Variants in SLC39A11 observed in about 807,000 individuals in gnomAD.
SLC39A11 encodes solute carrier family 39 member 11, also known as zinc transporter ZIP11.
SLC39A11 carries 33 observed loss-of-function variants against 36.1 expected under a neutral mutation model. That is an observed-to-expected ratio of 0.91 (90% CI 0.69 to 1.22). The LOEUF (loss-of-function observed/expected upper bound fraction) is 1.22. Ranked by LOEUF, SLC39A11 falls within the 50% of genes most tolerant of loss-of-function variation. The pLI is 0.00. For missense variants in SLC39A11, 432 were observed against 430.3 expected (o/e 1.00, Z -0.03); for synonymous variants, 166 against 170.3 (o/e 0.97, Z 0.20).
chr17:73,018,263 A>T (rs747902483), intron 4 of SLC39A11, among the ~76,000 whole-genome samples: 2 of 152,144 alleles, frequency 1.3e-5, no homozygotes, highest in Non-Finnish European at 2.9e-5. Context: ...ATTACTAGAC[A>T]TTCAGCCAGG....
At chr17:73,080,460 C>A (rs1346635617) in intron 3 of SLC39A11, among the ~76,000 whole-genome samples, 1 of 152,164 alleles carries the variant, frequency 6.6e-6, no homozygotes, top group Non-Finnish European at 1.5e-5. Flanking sequence ...GGATCCTCAT[C>A]TCTCACCTTA....
At chr17:72,924,346 G>C (rs2083904634) in intron 5 of SLC39A11, among the ~76,000 whole-genome samples, 1 of 152,028 alleles carries the variant, frequency 6.6e-6, no homozygotes, top group African/African-American at 2.4e-5. Context: ...TGGTCTCACA[G>C]AAACCTGATA....
intron 7 of SLC39A11, among the ~76,000 whole-genome samples, chr17:72,713,476 T>A (rs2073201602): frequency 6.6e-6 from 1 of 152,182 alleles, no homozygotes; most frequent in Admixed American, 6.5e-5. Flanking sequence ...TTACCCTTAA[T>A]ACAGATTAGT....
At chr17:72,665,439 G>A (rs1349849770) in intron 7 of SLC39A11, among the ~76,000 whole-genome samples, 3 of 124,992 alleles carry the variant, frequency 2.4e-5, no homozygotes, top group Non-Finnish European at 4.8e-5. Context: ...TGCCCAGGCT[G>A]GAGTGCAGTG....
At chr17:72,777,970 T>C (rs9894443) in intron 6 of SLC39A11, among the ~76,000 whole-genome samples, 69,538 of 151,918 alleles carry the variant, frequency 0.46, 19,681 homozygotes, top group Non-Finnish European at 0.64. Flanking sequence ...AGTGGTGCGA[T>C]GTCGGCTCAC....
chr17:72,683,684 G>A (rs918964320), intron 7 of SLC39A11, among the ~76,000 whole-genome samples: 1 of 151,958 alleles, frequency 6.6e-6, no homozygotes. Context: ...CAATACTTGT[G>A]CCATAAAAGC....
At chr17:72,820,699 C>A (rs2077742501) in intron 6 of SLC39A11, among the ~76,000 whole-genome samples, 2 of 151,190 alleles carry the variant, frequency 1.3e-5, no homozygotes, top group Non-Finnish European at 3.0e-5. Flanking sequence ...GCTATGCAGG[C>A]ATGGGGTGAG....
chr17:72,824,623 G>C lies in SLC39A11; in HGVS notation c.601+25011C>G, dbSNP rs1024981608. Among the ~76,000 whole-genome samples, 31 of 151,266 alleles carry C rather than the reference G, an allele frequency of 2.0e-4. 1 individual carries two copies. The highest frequency in any genetic ancestry group is 6.5e-4 in the African/African-American group (27 of 41,354). ...CTTCCTAGAGACTTTTTAAATTTTT[G>C]TGACCAAAATGCTGATAGTGATACG... On this transcript the variant is annotated intron_variant, in intron 6 of 9. Transcript: ENST00000255559.
At chr17:73,076,674 T>C (rs2060329407) in intron 3 of SLC39A11, among the ~76,000 whole-genome samples, 1 of 152,210 alleles carries the variant, frequency 6.6e-6, no homozygotes. Flanking sequence ...CCACACAGGA[T>C]GGCACATTTC....
chr17:72,750,230 A>G (rs915617360), intron 6 of SLC39A11, among the ~76,000 whole-genome samples: 3 of 152,044 alleles, frequency 2.0e-5, no homozygotes, highest in Admixed American at 1.3e-4. Context: ...TTCCTCCCCC[A>G]AGTTCACATG....
At chr17:72,876,583 A>T (rs2080908048) in intron 5 of SLC39A11, among the ~76,000 whole-genome samples, 2 of 152,208 alleles carry the variant, frequency 1.3e-5, no homozygotes, top group Admixed American at 6.5e-5. Context: ...TAGTGCCTAG[A>T]TAGTATCATG....
intron 5 of SLC39A11, among the ~76,000 whole-genome samples, chr17:72,896,367 AATTTTTCT>A (rs1286003471): frequency 6.6e-6 from 1 of 151,694 alleles, no homozygotes; most frequent in Non-Finnish European, 1.5e-5. Context: ...ACACCCGGCT[AATTTTTCT>A]ATTTTTAGTA....
At chr17:72,993,893 T>C (rs1239420886) in intron 4 of SLC39A11, among the ~76,000 whole-genome samples, 3 of 152,190 alleles carry the variant, frequency 2.0e-5, no homozygotes, top group Non-Finnish European at 4.4e-5. Context: ...CCAAATCTCA[T>C]CTTGAATTGT....
chr17:72,753,889 C>CAAAA (rs35076559), intron 6 of SLC39A11, among the ~76,000 whole-genome samples: 11 of 51,912 alleles, frequency 2.1e-4, no homozygotes, highest in African/African-American at 2.7e-4. Flanking sequence ...AGTCATTATA[C>CAAAA]AAAAAAAAAA....
At chr17:72,842,908 C>A (rs1015424055) in intron 6 of SLC39A11, among the ~76,000 whole-genome samples, 2 of 152,112 alleles carry the variant, frequency 1.3e-5, no homozygotes, top group African/African-American at 4.8e-5. Flanking sequence ...ATTTCAATTG[C>A]ACAACTATAC....
intron 4 of SLC39A11, among the ~76,000 whole-genome samples, chr17:72,986,181 C>T (rs747773689): frequency 2.0e-5 from 3 of 152,168 alleles, no homozygotes; most frequent in Non-Finnish European, 4.4e-5. Context: ...ATATTGTTCC[C>T]ACAGCCCTAG....
intron 6 of SLC39A11, among the ~76,000 whole-genome samples, chr17:72,754,051 TACACACACACACACACAC>T (rs58802713): frequency 1.9e-5 from 2 of 108,054 alleles, no homozygotes; most frequent in Non-Finnish European, 1.8e-5. Flanking sequence ...TATATACACA[TACACACACACACACACAC>T]ACACACACAC....
chr17:72,956,913 G>T (rs1470779552), intron 4 of SLC39A11, among the ~76,000 whole-genome samples: 1 of 152,168 alleles, frequency 6.6e-6, no homozygotes, highest in Non-Finnish European at 1.5e-5. Context: ...ATTGTTCTAT[G>T]GTCAACTGGG....
At chr17:73,033,779 C>A (rs2058816533) in intron 3 of SLC39A11, among the ~76,000 whole-genome samples, 1 of 152,202 alleles carries the variant, frequency 6.6e-6, no homozygotes, top group East Asian at 1.9e-4. Flanking sequence ...TCATCTGCAT[C>A]ACCCATCTTC....
Sources: gnomAD v4.1 joint callset for allele counts (sites outside exome capture counted in the v4.1 genomes callset) on GRCh38, gnomAD v4.1.1 for gene constraint, MANE v1.5 for transcripts, NCBI Gene and HGNC (gene_info 2026-07-23, HGNC 2026-07-21) for gene names.